PLEKHG1: variants seen among roughly 807,000 people sequenced by gnomAD.
PLEKHG1 encodes the protein pleckstrin homology domain-containing family G member 1.
PLEKHG1 carries 44 observed loss-of-function variants against 100.8 expected under a neutral mutation model. That is an observed-to-expected ratio of 0.44 (90% CI 0.34 to 0.56). The LOEUF is 0.56. PLEKHG1 is among the 20% of genes least tolerant of loss of function. The pLI is 0.01. For synonymous variants in PLEKHG1, 640 were observed against 662.5 expected (o/e 0.97, Z 0.52); for missense variants, 1,545 against 1,720.9 (o/e 0.90, Z 1.81).
At chr6:150,772,834 T>C (rs1380870411) in intron 3 of PLEKHG1, among the ~76,000 whole-genome samples, 1 of 152,202 alleles carries the variant, frequency 6.6e-6, no homozygotes, top group African/African-American at 2.4e-5. Flanking sequence ...TCCTCTGCAG[T>C]TTTCTGGCTC....
At chr6:150,809,051 C>T (rs1465416524) in intron 7 of PLEKHG1, 54 bp from the exon 9 acceptor site, 1 of 1,528,736 alleles carries the variant, frequency 6.5e-7, no homozygotes. Context: ...CCACCAAGCC[C>T]TTGGTGCCTG....
rs879720444 is a variant in PLEKHG1, at chr6:150,698,478, G to A, written c.-98-35106G>A. Among the ~76,000 whole-genome samples the A allele has an allele frequency of 3.9e-5, 5 of 128,246 alleles. No individual in the cohort carries two copies. The East Asian group carries it at 9.5e-4, about 24-fold the overall frequency. 84.1% of individuals were successfully genotyped at this position (128,246 alleles called of 152,430 possible). ...GGGTTTGACTACCTAACCTGATTGC[G>A]TGTGTATACAATACTATATATACAC... On this transcript the variant is annotated intron_variant, in intron 3 of 3. Coordinates refer to the PLEKHG1 transcript ENST00000367326.
chr6:150,830,835 G>A, exon 15 of PLEKHG1: 1 of 1,614,168 alleles, frequency 6.2e-7, no homozygotes, highest in Non-Finnish European at 8.5e-7. Context: ...AACTCTACCA[G>A]ACTATGTGAA....
At chr6:150,788,041 G>A (rs780635344) in intron 4 of PLEKHG1, among the ~76,000 whole-genome samples, 3 of 152,230 alleles carry the variant, frequency 2.0e-5, no homozygotes, top group Non-Finnish European at 2.9e-5. Context: ...AAACGTTTGG[G>A]CTTTTACTGG....
chr6:150,737,689 A>G (rs1012891671), intron 2 of PLEKHG1, among the ~76,000 whole-genome samples: 3 of 152,158 alleles, frequency 2.0e-5, no homozygotes, highest in Admixed American at 1.3e-4. Flanking sequence ...TGACTTCTCT[A>G]ATGTTCTCCA....
intron 1 of PLEKHG1, among the ~76,000 whole-genome samples, chr6:150,613,776 T>A (rs1366464462): frequency 6.6e-6 from 1 of 152,184 alleles, no homozygotes; most frequent in Non-Finnish European, 1.5e-5. Flanking sequence ...TACTCCTTCT[T>A]ACTGTGCCTT....
At chr6:150,758,768 T>C (rs1019113723) in intron 2 of PLEKHG1, among the ~76,000 whole-genome samples, 2 of 152,234 alleles carry the variant, frequency 1.3e-5, no homozygotes, top group East Asian at 3.8e-4. Context: ...ACGGATGCTC[T>C]TCTACACAGC....
chr6:150,808,497 C>G (rs1787280252), intron 7 of PLEKHG1, among the ~76,000 whole-genome samples: 1 of 151,936 alleles, frequency 6.6e-6, no homozygotes, highest in South Asian at 2.1e-4. Context: ...CTTCTATAAT[C>G]CCAGCACTTT....
intron 1 of PLEKHG1, among the ~76,000 whole-genome samples, chr6:150,634,087 A>G (rs530233529): frequency 1.4e-5 from 2 of 144,068 alleles, no homozygotes; most frequent in South Asian, 4.7e-4. Flanking sequence ...ACTAACAACA[A>G]CAAAAAAAAA....
At chr6:150,821,144 A>G (rs546963304) in intron 12 of PLEKHG1, 51 bp from the exon 14 acceptor site, 1 of 1,451,840 alleles carries the variant, frequency 6.9e-7, no homozygotes, top group Admixed American at 1.7e-5. Context: ...GAATAAAGAA[A>G]AAGGTTTGAT....
At chr6:150,808,687 G>T (rs1787292214) in intron 7 of PLEKHG1, among the ~76,000 whole-genome samples, 1 of 152,166 alleles carries the variant, frequency 6.6e-6, no homozygotes, top group Non-Finnish European at 1.5e-5. Flanking sequence ...GGGAGGTGGA[G>T]GTTGCAGTGA....
At chr6:150,677,283 T>TACGCACACACAC (rs756621195) in intron 3 of PLEKHG1, among the ~76,000 whole-genome samples, 2,499 of 134,230 alleles carry the variant, frequency 0.019, 44 homozygotes, top group African/African-American at 0.043. Flanking sequence ...TTTCTTCCCC[T>TACGCACACACAC]ATACACACAC....
At chr6:150,656,924 C>T (rs1024625043) in intron 3 of PLEKHG1, among the ~76,000 whole-genome samples, 1 of 152,180 alleles carries the variant, frequency 6.6e-6, no homozygotes, top group Non-Finnish European at 1.5e-5. Context: ...CACCAACCCT[C>T]ATGTTTGCTA....
intron 11 of PLEKHG1, among the ~76,000 whole-genome samples, chr6:150,819,351 G>C (rs1416429308): frequency 6.6e-6 from 1 of 151,966 alleles, no homozygotes; most frequent in Non-Finnish European, 1.5e-5. Context: ...GATAACCTGA[G>C]GTCAGGAGTT....
intron 3 of PLEKHG1, among the ~76,000 whole-genome samples, chr6:150,657,555 C>T (rs1779016997): frequency 6.6e-6 from 1 of 152,154 alleles, no homozygotes; most frequent in Admixed American, 6.5e-5. Flanking sequence ...TGCTTTAGAG[C>T]TCTCATTGTA....
chr6:150,615,457 C>T (rs1777032559), intron 1 of PLEKHG1, among the ~76,000 whole-genome samples: 1 of 152,214 alleles, frequency 6.6e-6, no homozygotes, highest in Non-Finnish European at 1.5e-5. Context: ...TGTTAACTCT[C>T]CCTTGGCCTT....
intron 2 of PLEKHG1, among the ~76,000 whole-genome samples, chr6:150,647,335 T>A (rs1462797753): frequency 6.6e-6 from 1 of 152,186 alleles, no homozygotes; most frequent in Admixed American, 6.5e-5. Context: ...ATACAGTTGA[T>A]CCACAGTTAT....
intron 1 of PLEKHG1, among the ~76,000 whole-genome samples, chr6:150,621,196 ATGGT>A (rs1777285471): frequency 6.6e-6 from 1 of 152,112 alleles, no homozygotes; most frequent in African/African-American, 2.4e-5. Flanking sequence ...TACAGGAATG[ATGGT>A]TGGTGAGGGT....
At chr6:150,642,787 G>T (rs938019497) in intron 2 of PLEKHG1, among the ~76,000 whole-genome samples, 2 of 152,176 alleles carry the variant, frequency 1.3e-5, no homozygotes, top group Non-Finnish European at 2.9e-5. Context: ...CTGTATTACA[G>T]CACTTGTAAT....
Sources: gnomAD v4.1 joint callset for allele counts (sites outside exome capture counted in the v4.1 genomes callset) on GRCh38, gnomAD v4.1.1 for gene constraint, MANE v1.5 for transcripts, NCBI Gene and HGNC (gene_info 2026-07-23, HGNC 2026-07-21) for gene names.